GLYATL3: variants seen among roughly 807,000 people sequenced by gnomAD.
GLYATL3 encodes glycine-N-acyltransferase like 3.
In GLYATL3, 31 loss-of-function variants were observed where a neutral mutation model predicts 28.5. The ratio of observed to expected loss-of-function variants is 1.09; its 90% CI spans 0.82 to 1.47. The LOEUF (loss-of-function observed/expected upper bound fraction) is 1.47, where lower values mean the gene tolerates loss of function less well. Ranked by LOEUF, GLYATL3 falls within the 40% of genes most tolerant of loss-of-function variation. The pLI, the probability that GLYATL3 is intolerant of heterozygous loss-of-function variation, is 0.00. For missense variants in GLYATL3, 369 were observed against 351.5 expected (o/e 1.05, Z -0.40); for synonymous variants, 141 against 140.2 (o/e 1.01, Z -0.04).
At chr6:49,505,779 T>C (rs1028695804) in intron 1 of GLYATL3, among the ~76,000 whole-genome samples, 2 of 152,174 alleles carry the variant, frequency 1.3e-5, no homozygotes, top group Non-Finnish European at 2.9e-5. Flanking sequence ...GATCAAGATA[T>C]ATTGAAAGAG....
At chr6:49,515,844 C>T in intron 3 of GLYATL3, 84 bp downstream of exon 3, 1 of 762,888 alleles carries the variant, frequency 1.3e-6, no homozygotes, top group Admixed American at 2.1e-5. Context: ...ATCATAGTAG[C>T]CATTTACATT....
At chr6:49,519,887 T>C (rs1178936631) in intron 4 of GLYATL3, among the ~76,000 whole-genome samples, 5 of 152,232 alleles carry the variant, frequency 3.3e-5, no homozygotes, top group Non-Finnish European at 7.3e-5. Context: ...CAGGCTCTTC[T>C]GCTCACTACT....
chr6:49,524,700 T>C (rs1174101873), intron 5 of GLYATL3, among the ~76,000 whole-genome samples: 1 of 151,922 alleles, frequency 6.6e-6, no homozygotes, highest in Non-Finnish European at 1.5e-5. Context: ...AAAGAACAAA[T>C]ATGGCCAGGT....
intron 1 of GLYATL3, among the ~76,000 whole-genome samples, chr6:49,504,503 C>A (rs1768975297): frequency 6.6e-6 from 1 of 151,992 alleles, no homozygotes; most frequent in Non-Finnish European, 1.5e-5. Context: ...GGACAGTTAC[C>A]AGAGAAATGT....
rs1769008125 is a variant in GLYATL3, at chr6:49,506,181, G to C, written c.-28-5782G>C. Among the ~76,000 whole-genome samples, 4 of 152,326 alleles carry C rather than the reference G, an allele frequency of 2.6e-5. 1 individual carries two copies. In the South Asian group the frequency reaches 8.3e-4, roughly 32 times the overall value. On this transcript the variant is annotated intron_variant, in intron 1 of 5. Transcript: ENST00000371197. The stretch of plus-strand genomic sequence containing the variant: ...AGTGAGCTTCTAGCTGCATTCCTAA[G>C]TACAGAAAAGGAGTGGCTTGTTGAA...
intron 5 of GLYATL3, among the ~76,000 whole-genome samples, chr6:49,522,120 T>G (rs1769327129): frequency 6.6e-6 from 1 of 152,190 alleles, no homozygotes; most frequent in Non-Finnish European, 1.5e-5. Flanking sequence ...TCCAAAGTTG[T>G]TATTGATTTT....
chr6:49,527,356 A>G lies in GLYATL3; in HGVS notation c.*442A>G, dbSNP rs1769440672. ...TCCCCTGTCCCCACTGCTATGTCTC[A>G]TCAACCTCTGTTCCTAACACCTCTG... On this transcript the variant is annotated 3_prime_UTR_variant, in exon 6 of 6. Transcript: ENST00000371197. Among the ~76,000 whole-genome samples the G allele has an allele frequency of 6.6e-6, 1 of 152,098 alleles. No individual in the cohort carries two copies. The highest frequency in any genetic ancestry group is 2.1e-4 in the South Asian group (1 of 4,826).
chr6:49,509,627 CTGT>C (rs1485620347), intron 1 of GLYATL3, among the ~76,000 whole-genome samples: 1 of 152,212 alleles, frequency 6.6e-6, no homozygotes, highest in Non-Finnish European at 1.5e-5. Context: ...AGAGCATTCC[CTGT>C]TCAACCTTAG....
intron 1 of GLYATL3, among the ~76,000 whole-genome samples, chr6:49,511,549 C>G (rs1769122340): frequency 6.6e-6 from 1 of 152,146 alleles, no homozygotes; most frequent in African/African-American, 2.4e-5. Context: ...TACTGTGTGC[C>G]AGGTCCTTTG....
chr6:49,509,448 C>T (rs1423963199), intron 1 of GLYATL3, among the ~76,000 whole-genome samples: 1 of 152,210 alleles, frequency 6.6e-6, no homozygotes, highest in African/African-American at 2.4e-5. Flanking sequence ...CCATTATTCA[C>T]ATCACAGCAT....
intron 2 of GLYATL3, among the ~76,000 whole-genome samples, chr6:49,513,122 GT>G (rs890515686): frequency 2.6e-5 from 4 of 152,130 alleles, no homozygotes; most frequent in African/African-American, 9.7e-5. Flanking sequence ...AAAAATTTCA[GT>G]GACCTTTACA....
At chr6:49,506,506 A>G (rs938133428) in intron 1 of GLYATL3, among the ~76,000 whole-genome samples, 7 of 152,164 alleles carry the variant, frequency 4.6e-5, no homozygotes, top group Non-Finnish European at 7.3e-5. Flanking sequence ...TGACTTGTCA[A>G]AAGGAATATG....
In GLYATL3 at chr6:49,526,780, T is replaced by C; in HGVS notation, c.733T>C (p.Ser245Pro). ...ARKLQSRGFP[S>P]QGNVLDDNTA... is the part of the protein sequence containing the mutation. ...GAAGTTGCAAAGCCGGGGATTCCCC[T>C]CTCAGGGGAACGTCCTGGATGACAA... The change falls in exon 6 of 6, where the codon TCT becomes CCT. Residue 245 changes from serine (S) to proline (P), a missense_variant. Ser to Pro is a moderately conservative substitution (Grantham distance 74). Coordinates refer to ENST00000371197, the MANE Select transcript of GLYATL3 (RefSeq NM_001010904.2). The C allele has an allele frequency of 6.4e-7, 1 of 1,551,932 alleles. No homozygotes were observed.
At chr6:49,517,999 A>G (rs905379041) in intron 4 of GLYATL3, among the ~76,000 whole-genome samples, 3 of 152,266 alleles carry the variant, frequency 2.0e-5, no homozygotes, top group Middle Eastern at 3.4e-3. Flanking sequence ...GAAATAATCG[A>G]TTGATCTGCA....
chr6:49,508,018 T>A lies in GLYATL3; in HGVS notation c.-28-3945T>A, dbSNP rs963231859. ...AAGAATTTACAATATAGCGTGTGCA[T>A]CAGTAATTTCTAACAGAGCTTTAAA... On this transcript the variant is annotated intron_variant, in intron 1 of 5. Coordinates refer to ENST00000371197, the MANE Select transcript of GLYATL3 (RefSeq NM_001010904.2). 2.0e-5 allele frequency among the ~76,000 whole-genome samples: 3 copies of A among 152,222 alleles called. No homozygotes were observed. The East Asian group carries it at 5.8e-4, about 29-fold the overall frequency.
intron 4 of GLYATL3, among the ~76,000 whole-genome samples, chr6:49,521,212 G>T (rs146524914): frequency 6.6e-6 from 1 of 152,168 alleles, no homozygotes; most frequent in African/African-American, 2.4e-5. Context: ...TAATGGCGAG[G>T]TGTAATAGAG....
chr6:49,515,677 A>G lies in GLYATL3; in HGVS notation c.103A>G (p.Asn35Asp). 6.4e-7 allele frequency: 1 copy of G among 1,550,548 alleles called. No homozygotes were observed. Among genetic ancestry groups the G allele is most frequent in the Non-Finnish European group, 8.7e-7 (1 of 1,145,966 alleles). Residue 35 changes from asparagine (N) to aspartate (D), a missense_variant, in exon 3 of 6, where the codon AAT becomes GAT. By Grantham distance (23) the Asn-to-Asp change is conservative. Transcript: ENST00000371197. Reference protein sequence around the residue: ...LKVYGAVMNINRGNPFQKEVV... With the variant: ...LKVYGAVMNIDRGNPFQKEVV... ...GGTTTACGGAGCGGTGATGAACATAAATCGTGGGAACCCCTTTCAAAAGGA... is the reference window on the plus strand; with the variant it reads ...GGTTTACGGAGCGGTGATGAACATAGATCGTGGGAACCCCTTTCAAAAGGA...
chr6:49,514,289 A>G lies in GLYATL3; in HGVS notation c.79-1364A>G, dbSNP rs1241608504. The stretch of plus-strand genomic sequence containing the variant: ...ACATAAATTGGATCACACAGTAAGT[A>G]TCTTTTTCGTATCTAACTTCTTTTG... On this transcript the variant is annotated intron_variant, in intron 2 of 5. Transcript: ENST00000371197. Among the ~76,000 whole-genome samples, 4 of 152,216 alleles carry G rather than the reference A, an allele frequency of 2.6e-5. 1 individual carries two copies. The highest frequency in any genetic ancestry group is 9.7e-5 in the African/African-American group (4 of 41,442).
chr6:49,512,545 G>A (rs1259179591), intron 2 of GLYATL3, among the ~76,000 whole-genome samples: 1 of 152,004 alleles, frequency 6.6e-6, no homozygotes, highest in Non-Finnish European at 1.5e-5. Flanking sequence ...AAATAAATTT[G>A]AGTTCTAAAG....
Sources: allele counts gnomAD v4.1 joint callset (sites outside exome capture counted in the v4.1 genomes callset), GRCh38; gene constraint gnomAD v4.1.1; transcripts MANE v1.5; gene names NCBI Gene and HGNC (gene_info 2026-07-23, HGNC 2026-07-21).